ZNF704: variants seen among roughly 807,000 people sequenced by gnomAD.
ZNF704 encodes the protein zinc finger protein 704, also known as glucocorticoid induced gene 1.
ZNF704 carries 10 observed loss-of-function variants against 44.7 expected under a neutral mutation model. The observed-to-expected ratio is 0.22, with a 90% CI of 0.14 to 0.38. The LOEUF (loss-of-function observed/expected upper bound fraction) is 0.38. ZNF704 is among the 10% of genes least tolerant of loss of function. The pLI is 1.00. For synonymous variants in ZNF704, 211 were observed against 207.6 expected (o/e 1.02, Z -0.14); for missense variants, 390 against 545.5 (o/e 0.71, Z 2.84).
chr8:80,735,155 C>T (rs1806645952), intron 2 of ZNF704, among the ~76,000 whole-genome samples: 1 of 152,210 alleles, frequency 6.6e-6, no homozygotes, highest in East Asian at 1.9e-4. Context: ...AAATAAACCT[C>T]CACTTTATAT....
Position 80,632,332 on chromosome 8 carries a change from G to A in ZNF704, c.*9034C>T, listed in dbSNP as rs1172023669. On this transcript the variant is annotated 3_prime_UTR_variant, in exon 9 of 9. Coordinates refer to ENST00000327835, the MANE Select transcript of ZNF704 (RefSeq NM_001033723.3). ...GCGCCACCACGCCCGACTAATTTTT[G>A]TATTTTTAGTAAAGACAGGGTTTCC... The A allele has an allele frequency of 6.6e-6, 1 of 152,106 alleles. No homozygotes were observed. 9.4% of individuals were successfully genotyped at this position (152,106 alleles called of 1,614,324 possible). A position where few individuals can be genotyped will look rare whatever the true frequency, so the allele number is the denominator to read the frequency against.
At chr8:80,722,105 T>C (rs1005492185) in intron 2 of ZNF704, among the ~76,000 whole-genome samples, 1 of 152,106 alleles carries the variant, frequency 6.6e-6, no homozygotes, top group African/African-American at 2.4e-5. Context: ...CTGGGAGTGG[T>C]GGCACATGCC....
intron 2 of ZNF704, among the ~76,000 whole-genome samples, chr8:80,713,795 A>C (rs1819030240): frequency 6.6e-6 from 1 of 152,184 alleles, no homozygotes; most frequent in Admixed American, 6.5e-5. Flanking sequence ...TCATTGTTTA[A>C]GATTGATTTC....
At chr8:80,729,590 A>G (rs1806540663) in intron 2 of ZNF704, among the ~76,000 whole-genome samples, 1 of 152,152 alleles carries the variant, frequency 6.6e-6, no homozygotes, top group African/African-American at 2.4e-5. Context: ...GTGGGAGTCA[A>G]TCATTTTTCT....
At chr8:80,723,749 G>A (rs541424916) in intron 2 of ZNF704, among the ~76,000 whole-genome samples, 3 of 152,140 alleles carry the variant, frequency 2.0e-5, no homozygotes, top group Non-Finnish European at 4.4e-5. Context: ...GAGGGTACAT[G>A]GTTTTCAAAA....
At chr8:80,668,227 G>A (rs989704201) in intron 5 of ZNF704, among the ~76,000 whole-genome samples, 3 of 152,222 alleles carry the variant, frequency 2.0e-5, no homozygotes, top group African/African-American at 7.2e-5. Flanking sequence ...GGCCACGGGT[G>A]TCCCCTCACT....
chr8:80,687,141 G>T, intron 4 of ZNF704, 85 bp downstream of exon 4: 1 of 1,185,024 alleles, frequency 8.4e-7, no homozygotes, highest in Non-Finnish European at 1.2e-6. Context: ...GTAGGTCCAA[G>T]GTTAAGCTCA....
At chr8:80,734,333 T>C (rs1806630486) in intron 2 of ZNF704, among the ~76,000 whole-genome samples, 1 of 152,240 alleles carries the variant, frequency 6.6e-6, no homozygotes, top group South Asian at 2.1e-4. Context: ...GTTTTCTGGA[T>C]TGTTTAATAT....
At chr8:80,726,843 A>G (rs1335149468) in intron 2 of ZNF704, among the ~76,000 whole-genome samples, 1 of 151,980 alleles carries the variant, frequency 6.6e-6, no homozygotes, top group Admixed American at 6.6e-5. Flanking sequence ...GCACACACAC[A>G]CACACACACA....
intron 2 of ZNF704, among the ~76,000 whole-genome samples, chr8:80,746,604 C>A (rs1412138777): frequency 6.6e-6 from 1 of 152,136 alleles, no homozygotes; most frequent in Admixed American, 6.5e-5. Context: ...GGGTATTACA[C>A]TAAGTTTGGC....
At chr8:80,704,710 C>T (rs191383092) in intron 2 of ZNF704, among the ~76,000 whole-genome samples, 91 of 152,326 alleles carry the variant, frequency 6.0e-4, no homozygotes, top group East Asian at 2.9e-3. Context: ...TTCCAGACAG[C>T]GGGACAAGTG....
rs1295425135 is a variant in ZNF704 at position 80,739,823 on chromosome 8, G to A, written c.222-46716C>T. On this transcript the variant is annotated intron_variant, in intron 2 of 8. Coordinates refer to ENST00000327835, the MANE Select transcript of ZNF704 (RefSeq NM_001033723.3). ...AAGATTGTCCAAATAGAAATAAGCC[G>A]CCCCCTCGTCCATGTCCCTTATGTC... Among the ~76,000 whole-genome samples the A allele has an allele frequency of 2.6e-5, 4 of 152,052 alleles. No homozygotes were observed. The East Asian group carries it at 7.7e-4, about 29-fold the overall frequency.
chr8:80,876,579 C>T (rs1809358912), upstream of ZNF704, among the ~76,000 whole-genome samples: 1 of 152,116 alleles, frequency 6.6e-6, no homozygotes, highest in South Asian at 2.1e-4. Context: ...CTCAGGAGCA[C>T]CTAGGTCCGA....
intron 2 of ZNF704, among the ~76,000 whole-genome samples, chr8:80,771,804 C>G (rs925850418): frequency 7.2e-5 from 11 of 152,166 alleles, no homozygotes; most frequent in Admixed American, 2.0e-4. Flanking sequence ...AAGCATTCAG[C>G]TTTCCCCCAT....
At chr8:80,750,264 G>C (rs1032714544) in intron 2 of ZNF704, among the ~76,000 whole-genome samples, 2 of 151,898 alleles carry the variant, frequency 1.3e-5, no homozygotes, top group African/African-American at 4.8e-5. Context: ...CTGACTCGGA[G>C]GGGTGGGATC....
At chr8:80,826,137 G>T (rs1466521414) in intron 1 of ZNF704, among the ~76,000 whole-genome samples, 1 of 152,110 alleles carries the variant, frequency 6.6e-6, no homozygotes, top group Non-Finnish European at 1.5e-5. Context: ...ATGAATCCAG[G>T]AGGTGGTTTT....
intron 2 of ZNF704, among the ~76,000 whole-genome samples, chr8:80,779,968 T>A (rs1807489635): frequency 6.6e-6 from 1 of 151,914 alleles, no homozygotes; most frequent in African/African-American, 2.4e-5. Context: ...CAGAGATTCA[T>A]CCCTAGTGGG....
intron 2 of ZNF704, among the ~76,000 whole-genome samples, chr8:80,744,712 A>T (rs1431889756): frequency 1.3e-5 from 2 of 152,212 alleles, no homozygotes; most frequent in Admixed American, 6.5e-5. Flanking sequence ...TGCTCAAAAT[A>T]ATGTGCTTAA....
At chr8:80,857,447 G>T (rs540217331) in intron 1 of ZNF704, among the ~76,000 whole-genome samples, 1 of 152,198 alleles carries the variant, frequency 6.6e-6, no homozygotes, top group Admixed American at 6.5e-5. Flanking sequence ...TTTGTCAAAT[G>T]CTTGTTTATG....
Sources: allele counts gnomAD v4.1 joint callset (sites outside exome capture counted in the v4.1 genomes callset), GRCh38; gene constraint gnomAD v4.1.1; transcripts MANE v1.5; gene names NCBI Gene and HGNC (gene_info 2026-07-23, HGNC 2026-07-21).